Variants in SULF2 observed in about 807,000 individuals in gnomAD.
SULF2 encodes the protein extracellular sulfatase Sulf-2.
Under a neutral mutation model 107.7 loss-of-function variants are expected in SULF2, and 52 were observed. The ratio of observed to expected loss-of-function variants is 0.48; its 90% CI spans 0.39 to 0.61. The LOEUF (loss-of-function observed/expected upper bound fraction) is 0.61, where lower values mean the gene tolerates loss of function less well. SULF2 is among the 20% of genes least tolerant of loss of function. The pLI, the probability that SULF2 is intolerant of heterozygous loss-of-function variation, is 0.00. For synonymous variants in SULF2, 460 were observed against 464.3 expected, an observed-to-expected ratio of 0.99 and a Z score of 0.12; for missense variants, 993 against 1,177.3, an observed-to-expected ratio of 0.84 and a Z score of 2.29.
At chr20:47,676,247 G>T (rs1383710076) in intron 10 of SULF2, among the ~76,000 whole-genome samples, 1 of 152,224 alleles carries the variant, frequency 6.6e-6, no homozygotes, top group Non-Finnish European at 1.5e-5. Flanking sequence ...GGCGCTAAGG[G>T]CATACACACA....
chr20:47,661,734 C>T (rs529879540), intron 18 of SULF2, 39 bp downstream of exon 18: 19 of 1,467,964 alleles, frequency 1.3e-5, no homozygotes, highest in South Asian at 1.0e-4. Context: ...CTTTGGTTAC[C>T]CTGCTGTCCA....
At chr20:47,740,800 T>C (rs1421070165) in intron 2 of SULF2, among the ~76,000 whole-genome samples, 1 of 152,178 alleles carries the variant, frequency 6.6e-6, no homozygotes, top group East Asian at 1.9e-4. Context: ...GATGTGTGGC[T>C]TGGTACAACC....
Position 47,684,535 on chromosome 20 carries a change from T to C in SULF2, c.784A>G (p.Met262Val). 1 of 1,614,160 alleles carries C rather than the reference T, an allele frequency of 6.2e-7. No homozygotes were observed. The highest frequency in any genetic ancestry group is 8.5e-7 in the Non-Finnish European group (1 of 1,180,002). Residue 262 changes from methionine to valine, a missense_variant, in exon 6 of 21, where the codon ATG (methionine) becomes GTG (valine). Physicochemically the swap from Met to Val is conservative, Grantham distance 21 (BLOSUM62 1). Coordinates refer to ENST00000688720, the MANE Select transcript of SULF2 (RefSeq NM_001387048.1). ...GGCTTCATGGGCCCCGTGTAGCGCA[T>C]GATCCAGTGTTTGTCCGGGTTGGGC... ...YAPNPDKHWIMRYTGPMKPIH... is the reference protein window; with the variant it reads ...YAPNPDKHWIVRYTGPMKPIH...
chr20:47,661,780 C>A lies in SULF2; in HGVS notation c.2487G>T (p.Met829Ile). 1 of 1,541,486 alleles carries A rather than the reference C, an allele frequency of 6.5e-7. No homozygotes were observed. The highest frequency in any genetic ancestry group is 8.8e-7 in the Non-Finnish European group (1 of 1,130,678). The change falls in exon 18 of 21, where the codon ATG becomes ATT. Residue 829 changes from methionine to isoleucine, a missense_variant. Met to Ile is a conservative substitution (Grantham distance 10). Coordinates refer to ENST00000688720, the MANE Select transcript of SULF2 (RefSeq NM_001387048.1). ...YKQCNPRTRN[M>I]DLGLKDGGSY... ...GTTGGGGTGCCTACTCACCCAGGTC[C>A]ATGTTTCGAGTCCGGGGGTTACACT...
intron 3 of SULF2, among the ~76,000 whole-genome samples, chr20:47,715,331 A>G (rs926734792): frequency 4.6e-5 from 7 of 151,840 alleles, no homozygotes; most frequent in Non-Finnish European, 7.4e-5. Flanking sequence ...TTGCTTCTCC[A>G]CATATTTATT....
intron 3 of SULF2, among the ~76,000 whole-genome samples, chr20:47,707,958 G>A (rs1264909841): frequency 6.6e-6 from 1 of 152,178 alleles, no homozygotes; most frequent in African/African-American, 2.4e-5. Flanking sequence ...CAGTGTACCT[G>A]GGCATGGTAC....
chr20:47,708,817 C>T (rs2088830015), intron 3 of SULF2, among the ~76,000 whole-genome samples: 1 of 152,148 alleles, frequency 6.6e-6, no homozygotes, highest in Non-Finnish European at 1.5e-5. Context: ...GGGGGTCCTC[C>T]TCCTGCCCAT....
chr20:47,705,730 C>T (rs543518766), intron 3 of SULF2, among the ~76,000 whole-genome samples: 1 of 152,218 alleles, frequency 6.6e-6, no homozygotes, highest in South Asian at 2.1e-4. Context: ...CACGTGACAG[C>T]CCCCACGCTA....
Position 47,666,414 on chromosome 20 carries a change from C to A in SULF2, c.1651G>T (p.Val551Leu), listed in dbSNP as rs200804767. Reference sequence around the variant, plus strand: ...GGCTGGGCGGCATCACCCAGGCCTACGTGGTACACCCTGCCGTCCACCTCG... The same window carrying A: ...GGCTGGGCGGCATCACCCAGGCCTAAGTGGTACACCCTGCCGTCCACCTCG... Reference protein sequence around the residue: ...AIEVDGRVYHVGLGDAAQPRN... With the variant: ...AIEVDGRVYHLGLGDAAQPRN... The change falls in exon 12 of 21, where the codon GTA (valine) becomes TTA (leucine). Residue 551 changes from valine to leucine, a missense_variant. Val to Leu is a conservative substitution (Grantham distance 32). Transcript: ENST00000688720. The surrounding 1 kb of genome is among the most constrained non-coding windows in gnomAD (Gnocchi z 5.4). 1 of 1,613,798 alleles carries A rather than the reference C, an allele frequency of 6.2e-7. No individual in the cohort carries two copies. Among genetic ancestry groups the A allele is most frequent in the African/African-American group, 1.3e-5 (1 of 74,928 alleles).
chr20:47,725,249 G>C (rs777592119), intron 3 of SULF2, among the ~76,000 whole-genome samples: 27 of 152,148 alleles, frequency 1.8e-4, no homozygotes, highest in Non-Finnish European at 3.1e-4. Flanking sequence ...GTATAATATT[G>C]CCTCCATTTT....
At chr20:47,737,614 T>C (rs2089769032) in intron 2 of SULF2, among the ~76,000 whole-genome samples, 1 of 152,002 alleles carries the variant, frequency 6.6e-6, no homozygotes, top group Non-Finnish European at 1.5e-5. Context: ...CCCATCGGCC[T>C]AGTACCCTCT....
At chr20:47,713,591 A>G (rs185223413) in intron 3 of SULF2, among the ~76,000 whole-genome samples, 1 of 151,722 alleles carries the variant, frequency 6.6e-6, no homozygotes, top group Admixed American at 6.6e-5. Flanking sequence ...TGCATAAAGA[A>G]CTCTGAAAAA....
At chr20:47,767,908 CA>C (rs11483856) in intron 1 of SULF2, among the ~76,000 whole-genome samples, 21,510 of 139,902 alleles carry the variant, frequency 0.15, 1,548 homozygotes, top group East Asian at 0.19. Context: ...GACTCTGTCT[CA>C]AAAAAAAAAA....
chr20:47,717,440 C>T (rs753629039), intron 3 of SULF2, among the ~76,000 whole-genome samples: 4 of 152,204 alleles, frequency 2.6e-5, no homozygotes, highest in Non-Finnish European at 5.9e-5. Context: ...CCAGCGACCA[C>T]AGACTGGAGC....
rs1357565019 is a variant in SULF2, at chr20:47,683,150, T to C, written c.908A>G (p.Glu303Gly). ...GTACGTGTTGTCCAGCTCGCCCGTC[T>C]CAACCAGCATGTTGTAAATCTGCAA... is the stretch of plus-strand genomic sequence containing the variant. ...SMETIYNMLVETGELDNTYIV... is the reference protein window; with the variant it reads ...SMETIYNMLVGTGELDNTYIV... Residue 303 changes from glutamate to glycine, a missense_variant, in exon 7 of 21, where the codon GAG becomes GGG. Around this residue, in one of 3 missense-constraint regions of SULF2, gnomAD observed 388 missense variants for 449.2 expected, o/e 0.86. Coordinates refer to ENST00000688720, the MANE Select transcript of SULF2 (RefSeq NM_001387048.1). 1.2e-6 allele frequency: 2 copies of C among 1,603,226 alleles called. No homozygotes were observed. Among genetic ancestry groups the C allele is most frequent in the Admixed American group, 3.4e-5 (2 of 59,700 alleles).
intron 2 of SULF2, among the ~76,000 whole-genome samples, chr20:47,750,037 A>G (rs2090127447): frequency 6.6e-6 from 1 of 152,190 alleles, no homozygotes; most frequent in Non-Finnish European, 1.5e-5. Context: ...GCTGGAGTGC[A>G]GTGGCGCGAT....
chr20:47,768,882 GTTTT>G (rs11473246), intron 1 of SULF2, among the ~76,000 whole-genome samples: 1 of 127,470 alleles, frequency 7.8e-6, no homozygotes, highest in African/African-American at 2.9e-5. Context: ...TTGTGTGCGT[GTTTT>G]TTTTTTTTTT....
intron 1 of SULF2, among the ~76,000 whole-genome samples, chr20:47,758,185 CCAGA>C (rs1453736864): frequency 1.1e-4 from 14 of 130,894 alleles, no homozygotes; most frequent in South Asian, 2.4e-4. Context: ...TTTTTTTTTC[CCAGA>C]CAGAGTTTTG....
At chr20:47,733,720 C>G (rs1354995646) in intron 3 of SULF2, among the ~76,000 whole-genome samples, 2 of 152,202 alleles carry the variant, frequency 1.3e-5, no homozygotes, top group African/African-American at 4.8e-5. Context: ...TTGTAGTGAG[C>G]TGAGACTGTG....
Sources: gnomAD v4.1 joint callset for allele counts (sites outside exome capture counted in the v4.1 genomes callset) on GRCh38, gnomAD v4.1.1 for gene constraint, gnomAD v4.1.1 regional missense constraint, Gnocchi (gnomAD v3.1) non-coding constraint, MANE v1.5 for transcripts, NCBI Gene and HGNC (gene_info 2026-07-23, HGNC 2026-07-21) for gene names.